Variants in CFAP20DC observed in about 807,000 individuals in gnomAD.
CFAP20DC encodes protein CFAP20DC.
A neutral mutation model predicts 101.7 loss-of-function variants in CFAP20DC; 84 were observed. The ratio of observed to expected loss-of-function variants is 0.83; its 90% confidence interval spans 0.69 to 0.99. The LOEUF (loss-of-function observed/expected upper bound fraction) is 0.99, where lower values mean the gene tolerates loss of function less well. Ranked by LOEUF, CFAP20DC falls within the 50% of genes least tolerant of loss-of-function variation. The pLI is 0.00. For missense variants in CFAP20DC, 1,007 were observed against 970.3 expected, an observed-to-expected ratio of 1.04 and a Z score of -0.50; for synonymous variants, 359 against 351.2, an observed-to-expected ratio of 1.02 and a Z score of -0.25.
intron 4 of CFAP20DC, among the ~76,000 whole-genome samples, chr3:58,997,882 G>A (rs1341507139): frequency 1.3e-5 from 2 of 152,128 alleles, no homozygotes; most frequent in Non-Finnish European, 2.9e-5. Flanking sequence ...CTTGGGGAGT[G>A]GGTATAGGGG....
At chr3:58,972,540 CT>C in intron 4 of CFAP20DC, among the ~76,000 whole-genome samples, 1 of 152,176 alleles carries the variant, frequency 6.6e-6, no homozygotes, top group South Asian at 2.1e-4. Flanking sequence ...TTTATATATT[CT>C]TTTATCTTAT....
In CFAP20DC at chr3:59,008,808, T is replaced by C. The variant is rs112508216; in HGVS notation, c.278+30749A>G. 5.3e-3 allele frequency among the ~76,000 whole-genome samples: 807 copies of C among 152,062 alleles called. 2 individuals are homozygous for C. The highest frequency in any genetic ancestry group is 0.024 in the Middle Eastern group (7 of 294). The stretch of plus-strand genomic sequence containing the variant: ...CACACCAACATGGCACATGTATACA[T>C]ATGTAACAAACCTGCACATTGTGCA... On this transcript the variant is annotated intron_variant, in intron 4 of 16. Transcript: ENST00000482387.
chr3:58,742,610 G>A, intron 16 of CFAP20DC, 38 bp from the exon 17 acceptor site: 1 of 1,506,814 alleles, frequency 6.6e-7, no homozygotes, highest in Middle Eastern at 1.7e-4. Flanking sequence ...TTAGCTGTTG[G>A]CTTGGCCCGG....
intron 4 of CFAP20DC, among the ~76,000 whole-genome samples, chr3:59,023,520 G>A (rs1008243188): frequency 6.6e-6 from 1 of 152,088 alleles, no homozygotes; most frequent in Non-Finnish European, 1.5e-5. Flanking sequence ...CTGAGAGCTT[G>A]TAAGGTGCTC....
chr3:58,735,686 G>A (rs1438665147), intron 3 of CFAP20DC, among the ~76,000 whole-genome samples: 2 of 152,144 alleles, frequency 1.3e-5, no homozygotes, highest in Non-Finnish European at 2.9e-5. Context: ...ATGGGACCCA[G>A]GCAGCAGCAT....
intron 15 of CFAP20DC, among the ~76,000 whole-genome samples, chr3:58,782,691 G>C (rs892705800): frequency 2.6e-5 from 4 of 151,724 alleles, no homozygotes; most frequent in African/African-American, 9.7e-5. Flanking sequence ...AAATATCTGG[G>C]AATAAATTTA....
At chr3:58,804,823 T>C (rs2073944653) in intron 15 of CFAP20DC, among the ~76,000 whole-genome samples, 2 of 152,236 alleles carry the variant, frequency 1.3e-5, no homozygotes, top group African/African-American at 4.8e-5. Context: ...TCTAAGAATG[T>C]TAAAATACCT....
At chr3:59,024,290 C>G (rs2093854476) in intron 4 of CFAP20DC, among the ~76,000 whole-genome samples, 1 of 152,150 alleles carries the variant, frequency 6.6e-6, no homozygotes, top group Admixed American at 6.5e-5. Flanking sequence ...TGTAACCAAT[C>G]TAAAGTCCAA....
chr3:58,817,276 C>T (rs962514622), intron 14 of CFAP20DC, among the ~76,000 whole-genome samples: 1 of 152,174 alleles, frequency 6.6e-6, no homozygotes, highest in Non-Finnish European at 1.5e-5. Context: ...AGCAACGGAA[C>T]AAAGCTGGAT....
In CFAP20DC at chr3:59,038,334, T is replaced by C. The variant is rs916099905; in HGVS notation, c.278+1223A>G. On this transcript the variant is annotated intron_variant, in intron 4 of 16. Transcript: ENST00000482387. ...AGAAGAATGTGAAGAAATATAAGTGTGGAAAACCATGAAGTTTGAAAATAG... is the reference window on the plus strand; with the variant it reads ...AGAAGAATGTGAAGAAATATAAGTGCGGAAAACCATGAAGTTTGAAAATAG... Among the ~76,000 whole-genome samples the C allele has an allele frequency of 3.3e-5, 5 of 152,110 alleles. No homozygotes were observed. In the South Asian group the frequency reaches 8.3e-4, roughly 25 times the overall value.
intron 7 of CFAP20DC, among the ~76,000 whole-genome samples, chr3:58,871,859 G>A (rs1439840059): frequency 6.6e-6 from 1 of 152,042 alleles, no homozygotes; most frequent in Non-Finnish European, 1.5e-5. Context: ...AATGAACTGT[G>A]AGAAGTTTCA....
intron 12 of CFAP20DC, among the ~76,000 whole-genome samples, chr3:58,855,607 T>C (rs1489111510): frequency 2.0e-5 from 3 of 151,772 alleles, no homozygotes; most frequent in Non-Finnish European, 4.4e-5. Context: ...AATGATAGAA[T>C]GGATTAAGAA....
rs550863881 is a variant in CFAP20DC, at chr3:58,781,810, A to G, written c.2237+24585T>C. Among the ~76,000 whole-genome samples, 7 of 152,158 alleles carry G rather than the reference A, an allele frequency of 4.6e-5. No individual in the cohort carries two copies. In the South Asian group the frequency reaches 6.2e-4, roughly 14 times the overall value. On this transcript the variant is annotated intron_variant, in intron 15 of 16. Transcript: ENST00000482387. ...GTAATAAAAAGTCTACCAATGAAGA[A>G]AAGTCCAGTACCAGATGGCTTCACT...
intron 12 of CFAP20DC, among the ~76,000 whole-genome samples, chr3:58,853,150 A>T (rs1375116703): frequency 6.6e-6 from 1 of 152,188 alleles, no homozygotes; most frequent in African/African-American, 2.4e-5. Context: ...GATGAAGGGG[A>T]TATCACCACT....
chr3:58,937,462 C>G (rs867198925), intron 5 of CFAP20DC, among the ~76,000 whole-genome samples, 186 bp downstream of exon 5: 1 of 152,136 alleles, frequency 6.6e-6, no homozygotes. Flanking sequence ...TATAGATGTT[C>G]AAATAATTAC....
intron 4 of CFAP20DC, among the ~76,000 whole-genome samples, chr3:59,011,374 G>A (rs533882073): frequency 8.6e-5 from 13 of 151,052 alleles, no homozygotes; most frequent in East Asian, 7.7e-4. Context: ...CTCCAGCCTG[G>A]GTGACAGAGC....
intron 15 of CFAP20DC, among the ~76,000 whole-genome samples, chr3:58,779,890 C>T (rs545478078): frequency 3.0e-4 from 45 of 152,164 alleles, no homozygotes; most frequent in African/African-American, 9.4e-4. Flanking sequence ...TCAAAAAGCT[C>T]TTCTCCCTGG....
intron 10 of CFAP20DC, among the ~76,000 whole-genome samples, chr3:58,867,304 T>C (rs1472322928): frequency 6.6e-6 from 1 of 152,158 alleles, no homozygotes. Flanking sequence ...ATCCAATATT[T>C]AAGGGAATAA....
At chr3:58,787,780 G>A (rs747120046) in intron 15 of CFAP20DC, among the ~76,000 whole-genome samples, 4 of 152,070 alleles carry the variant, frequency 2.6e-5, no homozygotes, top group Non-Finnish European at 5.9e-5. Flanking sequence ...AATGTGGCAT[G>A]TATACACCAT....
Sources: allele counts gnomAD v4.1 joint callset (sites outside exome capture counted in the v4.1 genomes callset), GRCh38; gene constraint gnomAD v4.1.1; transcripts MANE v1.5; gene names NCBI Gene and HGNC (gene_info 2026-07-23, HGNC 2026-07-21).